MGAT4C: variants seen among roughly 807,000 people sequenced by gnomAD.
MGAT4C encodes alpha-1,3-mannosyl-glycoprotein 4-beta-N-acetylglucosaminyltransferase C.
A neutral mutation model predicts 40.1 loss-of-function variants in MGAT4C; 19 were observed. That is an observed-to-expected ratio of 0.47 (90% CI 0.33 to 0.70). MGAT4C has a LOEUF of 0.70. Ranked by LOEUF, MGAT4C falls within the 30% of genes least tolerant of loss-of-function variation. The pLI is 0.02. For missense variants in MGAT4C, 491 were observed against 563.2 expected, an observed-to-expected ratio of 0.87 and a Z score of 1.30; for synonymous variants, 181 against 187.1, an observed-to-expected ratio of 0.97 and a Z score of 0.27.
intron 1 of MGAT4C, among the ~76,000 whole-genome samples, chr12:86,164,722 C>T (rs570322369): frequency 2.0e-5 from 3 of 151,934 alleles, no homozygotes; most frequent in Admixed American, 2.0e-4. Flanking sequence ...CCACAGAGCA[C>T]GGTACCCTTG....
At chr12:86,538,195 G>A (rs948672564) in intron 2 of MGAT4C, among the ~76,000 whole-genome samples, 2 of 152,218 alleles carry the variant, frequency 1.3e-5, no homozygotes, top group African/African-American at 4.8e-5. Flanking sequence ...CACATGAGGC[G>A]ATATGATTAG....
At chr12:86,077,404 A>G (rs1869950156) in intron 1 of MGAT4C, among the ~76,000 whole-genome samples, 2 of 152,334 alleles carry the variant, frequency 1.3e-5, no homozygotes, top group Middle Eastern at 3.4e-3. Context: ...TAAATCTTAC[A>G]TTACATGATA....
At chr12:86,292,794 T>A (rs925046391) in intron 4 of MGAT4C, among the ~76,000 whole-genome samples, 9 of 152,000 alleles carry the variant, frequency 5.9e-5, no homozygotes, top group East Asian at 3.9e-4. Context: ...CTGTTGTGAG[T>A]TATTTATTAT....
chr12:86,513,184 G>A (rs774540251), intron 2 of MGAT4C, among the ~76,000 whole-genome samples: 14 of 152,032 alleles, frequency 9.2e-5, no homozygotes, highest in Non-Finnish European at 1.9e-4. Context: ...AAGTAAAACA[G>A]CAACTATTAT....
intron 2 of MGAT4C, among the ~76,000 whole-genome samples, chr12:86,498,869 G>A (rs1033779970): frequency 7.9e-5 from 12 of 151,864 alleles, no homozygotes; most frequent in Non-Finnish European, 1.6e-4. Context: ...GGACGTATAA[G>A]AAATCACTAG....
intron 1 of MGAT4C, among the ~76,000 whole-genome samples, chr12:86,176,559 T>C (rs1004488212): frequency 6.6e-6 from 1 of 152,066 alleles, no homozygotes; most frequent in Non-Finnish European, 1.5e-5. Context: ...ACTCTATAGA[T>C]ATTTATCATA....
intron 4 of MGAT4C, among the ~76,000 whole-genome samples, chr12:86,320,918 C>A (rs972525632): frequency 1.3e-5 from 2 of 152,006 alleles, no homozygotes; most frequent in African/African-American, 4.8e-5. Flanking sequence ...CTTAATGGAT[C>A]AAAATCTACC....
At chr12:86,584,594 A>G (rs917146456) in intron 2 of MGAT4C, among the ~76,000 whole-genome samples, 9 of 151,316 alleles carry the variant, frequency 5.9e-5, no homozygotes, top group Non-Finnish European at 1.5e-5. Context: ...AAATCCTTTT[A>G]GCACAGTATT....
chr12:86,002,457 G>C (rs991476329), intron 2 of MGAT4C: 13 of 151,980 alleles, frequency 8.6e-5, no homozygotes, highest in South Asian at 8.3e-4. Flanking sequence ...TGTTCCATCT[G>C]TCAGAAACAC....
At chr12:86,241,269 C>T (rs993961617) in intron 1 of MGAT4C, among the ~76,000 whole-genome samples, 2 of 152,086 alleles carry the variant, frequency 1.3e-5, no homozygotes, top group Non-Finnish European at 2.9e-5. Flanking sequence ...ATACATGTAT[C>T]ATGCCCCACA....
chr12:86,821,243 C>A (rs1056093973), intron 1 of MGAT4C, among the ~76,000 whole-genome samples: 1 of 150,778 alleles, frequency 6.6e-6, no homozygotes, highest in African/African-American at 2.4e-5. Context: ...GATGTAGCTG[C>A]AGCAACTATA....
intron 2 of MGAT4C, among the ~76,000 whole-genome samples, chr12:86,555,650 A>T (rs1959575301): frequency 6.6e-6 from 1 of 152,224 alleles, no homozygotes; most frequent in Non-Finnish European, 1.5e-5. Context: ...TTGAGTTAAA[A>T]GAACCTGCTC....
intron 2 of MGAT4C, among the ~76,000 whole-genome samples, chr12:86,523,865 T>G (rs1958836514): frequency 6.6e-6 from 1 of 152,176 alleles, no homozygotes; most frequent in African/African-American, 2.4e-5. Context: ...TTTTTCATAT[T>G]TGTTGCTCTA....
intron 2 of MGAT4C, among the ~76,000 whole-genome samples, chr12:86,510,498 C>G (rs960971043): frequency 6.6e-6 from 1 of 152,010 alleles, no homozygotes; most frequent in African/African-American, 2.4e-5. Context: ...CAATATTAAC[C>G]TTAAATGTAA....
At chr12:86,557,632 CA>C (rs1232348221) in intron 2 of MGAT4C, among the ~76,000 whole-genome samples, 2 of 152,158 alleles carry the variant, frequency 1.3e-5, no homozygotes. Flanking sequence ...TGATTACCAA[CA>C]AATAATTATA....
chr12:86,018,603 T>C (rs1889332841), intron 2 of MGAT4C, among the ~76,000 whole-genome samples: 1 of 152,202 alleles, frequency 6.6e-6, no homozygotes, highest in South Asian at 2.1e-4. Context: ...GAAAAGTTTT[T>C]CCGAAACATC....
intron 3 of MGAT4C, among the ~76,000 whole-genome samples, chr12:86,426,220 A>C (rs1344383822): frequency 1.3e-5 from 2 of 152,152 alleles, no homozygotes; most frequent in Non-Finnish European, 2.9e-5. Context: ...AATCTATTTC[A>C]GCAATGTCCT....
intron 2 of MGAT4C, among the ~76,000 whole-genome samples, chr12:86,587,709 A>C (rs1297467615): frequency 6.6e-6 from 1 of 151,770 alleles, no homozygotes; most frequent in Non-Finnish European, 1.5e-5. Context: ...TCTTTGAAGC[A>C]ATTGTGAATG....
At chr12:86,643,139 G>T (rs1163457390) in intron 2 of MGAT4C, among the ~76,000 whole-genome samples, 1 of 151,606 alleles carries the variant, frequency 6.6e-6, no homozygotes, top group Non-Finnish European at 1.5e-5. Flanking sequence ...TCGAGAAATA[G>T]CAAGGGAGAT....
Sources: allele counts gnomAD v4.1 joint callset (sites outside exome capture counted in the v4.1 genomes callset), GRCh38; gene constraint gnomAD v4.1.1; transcripts MANE v1.5; gene names NCBI Gene and HGNC (gene_info 2026-07-23, HGNC 2026-07-21).